The following PRKCZ variants were observed in gnomAD, a reference collection of about 807,000 sequenced individuals.
The protein encoded by PRKCZ is protein kinase C zeta.
A neutral mutation model predicts 79.5 loss-of-function variants in PRKCZ; 33 were observed. The ratio of observed to expected loss-of-function variants is 0.41; its 90% CI spans 0.31 to 0.55. PRKCZ has a LOEUF of 0.55. Ranked by LOEUF, PRKCZ falls within the 20% of genes least tolerant of loss-of-function variation. The pLI is 0.19. For synonymous variants in PRKCZ, 342 were observed against 320.9 expected (o/e 1.07, Z -0.70); for missense variants, 578 against 813.5 (o/e 0.71, Z 3.52).
Position 2,106,759 on chromosome 1 carries a change from G to A in PRKCZ, c.335-28503G>A, listed in dbSNP as rs6603812. ...CAGGTAACTCTCAGCAAGCCCCTCTGGTGGGCGAGGACCTCCACACGTGTC... is the reference window on the plus strand; with the variant it reads ...CAGGTAACTCTCAGCAAGCCCCTCTAGTGGGCGAGGACCTCCACACGTGTC... On this transcript the variant is annotated intron_variant, in intron 4 of 17. Transcript: ENST00000378567. 8.1e-3 allele frequency among the ~76,000 whole-genome samples: 807 copies of A among 99,536 alleles called. 166 individuals carry two copies. Among genetic ancestry groups the A allele is most frequent in the African/African-American group, 0.054 (589 of 10,922 alleles). 65.3% of individuals were successfully genotyped at this position (99,536 alleles called of 152,430 possible).
chr1:2,056,500 G>A lies in PRKCZ; in HGVS notation c.210G>A (p.Val70=). 1 of 1,613,880 alleles carries A rather than the reference G, an allele frequency of 6.2e-7. No individual in the cohort carries two copies. Among genetic ancestry groups the A allele is most frequent in the East Asian group, 2.2e-5 (1 of 44,862 alleles). The change falls in exon 3 of 18, where the codon GTG becomes GTA. Residue 70 remains valine, a synonymous_variant. Coordinates refer to ENST00000378567, the MANE Select transcript of PRKCZ (RefSeq NM_002744.6). Reference sequence around the variant, plus strand: ...CCCACCCAGGTGACCCTTGCACGGTGTCCTCCCAGATGGAGCTGGAAGAGG... The same window carrying A: ...CCCACCCAGGTGACCCTTGCACGGTATCCTCCCAGATGGAGCTGGAAGAGG... ...WVDSEGDPCT[V]SSQMELEEAF...
rs1051950726 is a variant in PRKCZ at position 2,125,678 on chromosome 1, A to G, written c.335-9584A>G. On this transcript the variant is annotated intron_variant, in intron 4 of 17. Coordinates refer to ENST00000378567, the MANE Select transcript of PRKCZ (RefSeq NM_002744.6). The surrounding 1 kb of genome is among the most constrained non-coding windows in gnomAD (Gnocchi z 4.2). ...GCCTCCCGCTTTCCATCCGCATTCC[A>G]TGGCAGGTGAGTCTGATTATTCGAA... Among the ~76,000 whole-genome samples the G allele has an allele frequency of 1.2e-4, 18 of 152,196 alleles. No homozygotes were observed. The highest frequency in any genetic ancestry group is 3.9e-4 in the Admixed American group (6 of 15,282).
chr1:2,119,964 T>A (rs1236015848), intron 4 of PRKCZ, among the ~76,000 whole-genome samples: 1 of 152,012 alleles, frequency 6.6e-6, no homozygotes, highest in African/African-American at 2.4e-5. Flanking sequence ...TTTTTGTTTG[T>A]GTGGGAAATG....
intron 4 of PRKCZ, among the ~76,000 whole-genome samples, chr1:2,115,609 A>G (rs958055785): frequency 3.9e-5 from 6 of 152,228 alleles, no homozygotes; most frequent in Admixed American, 2.0e-4. Context: ...GCCAGCTGCA[A>G]GTGCCAGGTG....
chr1:2,100,208 G>A (rs1490039084), intron 4 of PRKCZ, among the ~76,000 whole-genome samples: 1 of 152,216 alleles, frequency 6.6e-6, no homozygotes, highest in African/African-American at 2.4e-5. Flanking sequence ...ATTTTATTTT[G>A]CAGTGGTAGA....
intron 4 of PRKCZ, among the ~76,000 whole-genome samples, chr1:2,134,286 G>C (rs1255957542): frequency 6.6e-6 from 1 of 152,224 alleles, no homozygotes; most frequent in Non-Finnish European, 1.5e-5. Flanking sequence ...GCAGTTTCCA[G>C]TCAGGGCTAG....
At position 2,156,007 on chromosome 1, in the gene PRKCZ, G is replaced by T; in HGVS notation, c.889G>T (p.Val297Leu). Residue 297 changes from valine (V) to leucine (L), a missense_variant, in exon 10 of 18, where the codon GTA becomes TTA. By Grantham distance (32) the Val-to-Leu change is conservative. Transcript: ENST00000378567. ...GTTTCTATTTCAGGATATTGACTGG[G>T]TACAGACAGAGAAGCACGTGTTTGA... ...LVHDDEDIDWVQTEKHVFEQA... is the reference protein window; with the variant it reads ...LVHDDEDIDWLQTEKHVFEQA... 1 of 1,613,868 alleles carries T rather than the reference G, an allele frequency of 6.2e-7. No individual in the cohort carries two copies. Among genetic ancestry groups the T allele is most frequent in the Non-Finnish European group, 8.5e-7 (1 of 1,179,816 alleles).
intron 10 of PRKCZ, among the ~76,000 whole-genome samples, chr1:2,158,232 A>C (rs1681495615): frequency 6.6e-6 from 1 of 151,818 alleles, no homozygotes; most frequent in African/African-American, 2.4e-5. Context: ...AGGGCTCCCC[A>C]GTGTTGGCTT....
At chr1:2,184,313 C>T (rs1308240140) in intron 16 of PRKCZ, 2 of 389,880 alleles carry the variant, frequency 5.1e-6, no homozygotes, top group African/African-American at 2.1e-5. Flanking sequence ...AGGGGGTGGC[C>T]TCGCATGGGT....
intron 5 of PRKCZ, among the ~76,000 whole-genome samples, chr1:2,140,717 C>T (rs1557661514): frequency 1.3e-5 from 2 of 152,166 alleles, no homozygotes; most frequent in African/African-American, 4.8e-5. Context: ...ACCTGTAATC[C>T]CAGCACTTTG....
At chr1:2,132,750 TA>T (rs897432888) in intron 4 of PRKCZ, among the ~76,000 whole-genome samples, 88 of 152,388 alleles carry the variant, frequency 5.8e-4, no homozygotes, top group African/African-American at 2.0e-3. Flanking sequence ...TAATTCCTTC[TA>T]AAATGTTTTG....
intron 10 of PRKCZ, among the ~76,000 whole-genome samples, chr1:2,161,372 G>T (rs566433215): frequency 2.0e-4 from 31 of 152,372 alleles, no homozygotes; most frequent in African/African-American, 7.5e-4. Context: ...GGAGCCAGGG[G>T]CTTGGTTTGC....
Position 2,050,698 on chromosome 1 carries a change from G to T in PRKCZ, c.68G>T (p.Gly23Val), listed in dbSNP as rs1033981248. 4.9e-6 allele frequency: 6 copies of T among 1,225,408 alleles called. No individual in the cohort carries two copies. Among genetic ancestry groups the T allele is most frequent in the African/African-American group, 3.1e-5 (2 of 64,158 alleles). 75.9% of individuals were successfully genotyped at this position (1,225,408 alleles called of 1,614,324 possible). Residue 23 changes from glycine to valine, a missense_variant, in exon 1 of 18, where the codon GGG (glycine) becomes GTG (valine). Gly to Val is a moderately radical substitution (Grantham distance 109). Transcript: ENST00000378567. The stretch of plus-strand genomic sequence containing the variant: ...CGCGTCCGCCTCAAGGCGCATTACG[G>T]GGGGTGAGCGGCGGAGAGGGCGGGG... ...GGRVRLKAHY[G>V]GDIFITSVDA...
rs780110330 is a variant in PRKCZ at position 2,175,302 on chromosome 1, G to C, written c.1564G>C (p.Asp522His). 6.2e-7 allele frequency: 1 copy of C among 1,613,294 alleles called. No homozygotes were observed. The highest frequency in any genetic ancestry group is 1.1e-5 in the South Asian group (1 of 91,050). The change falls in exon 16 of 18, where the codon GAC becomes CAC. Residue 522 changes from aspartate to histidine, a missense_variant. Physicochemically the swap from Asp to His is moderately conservative, Grantham distance 81. Around this residue, in one of 4 missense-constraint regions of PRKCZ, gnomAD observed 243 missense variants for 467.0 expected, o/e 0.52. Coordinates refer to ENST00000378567, the MANE Select transcript of PRKCZ (RefSeq NM_002744.6). ...GTCCCACGCGTTCTTCCGCAGCATA[G>C]ACTGGGACTTGGTAAAGCATCACAA... Reference protein sequence around the residue: ...IKSHAFFRSIDWDLLEKKQAL... With the variant: ...IKSHAFFRSIHWDLLEKKQAL...
intron 4 of PRKCZ, among the ~76,000 whole-genome samples, chr1:2,109,991 C>T (rs554347935): frequency 1.1e-4 from 16 of 152,188 alleles, no homozygotes; most frequent in Non-Finnish European, 2.2e-4. Flanking sequence ...TCTGGGCAAG[C>T]GGAGGAGCCG....
At chr1:2,137,386 C>T (rs987074735) in intron 5 of PRKCZ, among the ~76,000 whole-genome samples, 3 of 152,186 alleles carry the variant, frequency 2.0e-5, no homozygotes, top group Non-Finnish European at 4.4e-5. Flanking sequence ...CTCAGGGCAG[C>T]GCCCTCATAG....
At chr1:2,053,813 C>A (rs999493027) in intron 1 of PRKCZ, among the ~76,000 whole-genome samples, 1 of 152,176 alleles carries the variant, frequency 6.6e-6, no homozygotes, top group Admixed American at 6.5e-5. Context: ...TGGGGCGACC[C>A]CAGGGTGATG....
At chr1:2,089,131 C>T (rs1665039716) in intron 4 of PRKCZ, among the ~76,000 whole-genome samples, 1 of 152,164 alleles carries the variant, frequency 6.6e-6, no homozygotes, top group African/African-American at 2.4e-5. Flanking sequence ...GAGCTTACTG[C>T]AGTAGAGTGT....
In PRKCZ at chr1:2,082,011, A is replaced by G. The variant is rs927957515; in HGVS notation, c.334+22420A>G. ...AATGTGTTCAGTTCTCTTGCATTGCATAATTTGTTCATATTAAAGCAGGCT... is the reference window on the plus strand; with the variant it reads ...AATGTGTTCAGTTCTCTTGCATTGCGTAATTTGTTCATATTAAAGCAGGCT... On this transcript the variant is annotated intron_variant, in intron 4 of 17. Transcript: ENST00000378567. This position sits in a 1 kb window ranked among gnomAD's most constrained non-coding sequence, Gnocchi z 4.4. Among the ~76,000 whole-genome samples the G allele has an allele frequency of 6.6e-6, 1 of 152,242 alleles. No homozygotes were observed. Among genetic ancestry groups the G allele is most frequent in the Non-Finnish European group, 1.5e-5 (1 of 68,046 alleles).
Sources: allele counts gnomAD v4.1 joint callset (sites outside exome capture counted in the v4.1 genomes callset), GRCh38; gene constraint gnomAD v4.1.1; regional missense constraint gnomAD v4.1.1; non-coding constraint Gnocchi (gnomAD v3.1); transcripts MANE v1.5; gene names NCBI Gene and HGNC (gene_info 2026-07-23, HGNC 2026-07-21).